FLT3: variants seen among roughly 807,000 people sequenced by gnomAD.
The protein encoded by FLT3 is fms related receptor tyrosine kinase 3.
Under a neutral mutation model 126.6 loss-of-function variants are expected in FLT3, and 46 were observed. The ratio of observed to expected loss-of-function variants is 0.36; its 90% CI spans 0.29 to 0.46. The LOEUF (loss-of-function observed/expected upper bound fraction) is 0.46, where lower values mean the gene tolerates loss of function less well. Ranked by LOEUF, FLT3 falls within the 20% of genes least tolerant of loss-of-function variation. The pLI, the probability that FLT3 is intolerant of heterozygous loss-of-function variation, is 1.00. For missense variants in FLT3, 1,069 were observed against 1,190.3 expected, an observed-to-expected ratio of 0.90 and a Z score of 1.50; for synonymous variants, 404 against 434.4, an observed-to-expected ratio of 0.93 and a Z score of 0.87.
chr13:28,081,844 C>CTTTTTTTTTTTTTTTTTTTTTTTTT (rs35243277), intron 1 of FLT3, among the ~76,000 whole-genome samples: 2 of 64,988 alleles, frequency 3.1e-5, no homozygotes, highest in African/African-American at 1.4e-4. Context: ...TACTTTGATT[C>CTTTTTTTTTTTTTTTTTTTTTTTTT]TTTTTTTTTT....
At chr13:28,087,664 A>T (rs550241309) in intron 1 of FLT3, among the ~76,000 whole-genome samples, 1 of 152,214 alleles carries the variant, frequency 6.6e-6, no homozygotes, top group East Asian at 1.9e-4. Context: ...TTACATGTAT[A>T]TCTGACGACC....
chr13:28,021,526 C>T (rs951970849), intron 19 of FLT3, among the ~76,000 whole-genome samples: 5 of 152,068 alleles, frequency 3.3e-5, no homozygotes, highest in African/African-American at 1.2e-4. Context: ...AAATGTGCCT[C>T]GCAGTTCAGA....
intron 1 of FLT3, among the ~76,000 whole-genome samples, chr13:28,077,029 AAGAGAG>A (rs34403610): frequency 1.6e-4 from 22 of 138,258 alleles, no homozygotes; most frequent in East Asian, 4.3e-4. Context: ...AAGGAAAAGA[AAGAGAG>A]AGAGAGAGAG....
At chr13:28,060,153 G>C (rs1004341647) in intron 3 of FLT3, among the ~76,000 whole-genome samples, 3 of 151,520 alleles carry the variant, frequency 2.0e-5, no homozygotes, top group African/African-American at 7.3e-5. Flanking sequence ...CCAGCACTTT[G>C]GGAGGCTGAG....
chr13:28,018,533 C>T lies in FLT3; in HGVS notation c.2475G>A (p.Val825=), dbSNP rs759226906. The T allele has an allele frequency of 1.9e-6, 3 of 1,614,084 alleles. No homozygotes were observed. Among genetic ancestry groups the T allele is most frequent in the African/African-American group, 1.3e-5 (1 of 74,948 alleles). ...RNVLVTHGKV[V]KICDFGLARD... ...GAGCCAATCCAAAGTCACATATCTT[C>T]ACCACTTTCCCGTGGGTGACAAGCA... Residue 825 remains valine (V), a synonymous_variant, in exon 20 of 24, where the codon GTG becomes GTA. Transcript: ENST00000241453.
intron 1 of FLT3, among the ~76,000 whole-genome samples, chr13:28,082,931 C>T (rs989665403): frequency 2.6e-5 from 4 of 152,104 alleles, no homozygotes; most frequent in South Asian, 2.1e-4. Context: ...TGGTCTTGAT[C>T]TCCTGACTTC....
At chr13:28,022,061 A>G (rs992909915) in intron 19 of FLT3, among the ~76,000 whole-genome samples, 8 of 151,972 alleles carry the variant, frequency 5.3e-5, no homozygotes, top group Non-Finnish European at 1.2e-4. Flanking sequence ...TTTTAGAGAA[A>G]GAGACTTGCT....
At chr13:28,084,930 G>A (rs1407992035) in intron 1 of FLT3, among the ~76,000 whole-genome samples, 4 of 146,434 alleles carry the variant, frequency 2.7e-5, no homozygotes, top group African/African-American at 1.0e-4. Flanking sequence ...AGCCGAGATC[G>A]CACCACTGCA....
At chr13:28,063,070 T>C (rs1179117458) in intron 2 of FLT3, among the ~76,000 whole-genome samples, 1 of 65,624 alleles carries the variant, frequency 1.5e-5, no homozygotes, top group Non-Finnish European at 3.9e-5. Flanking sequence ...AGATAAAAAT[T>C]TATAAAGCAA....
chr13:28,005,533 T>C (rs1450944477), intron 23 of FLT3, among the ~76,000 whole-genome samples: 1 of 151,908 alleles, frequency 6.6e-6, no homozygotes, highest in African/African-American at 2.4e-5. Context: ...GGCCACATAT[T>C]TTTTTTTCAC....
At chr13:28,046,000 T>C (rs1275217709) in intron 9 of FLT3, among the ~76,000 whole-genome samples, 1 of 151,568 alleles carries the variant, frequency 6.6e-6, no homozygotes, top group Non-Finnish European at 1.5e-5. Flanking sequence ...GGAGATATTT[T>C]TGGTCACACT....
At chr13:28,053,053 T>C (rs1875676779) in intron 4 of FLT3, among the ~76,000 whole-genome samples, 1 of 152,162 alleles carries the variant, frequency 6.6e-6, no homozygotes, top group South Asian at 2.1e-4. Flanking sequence ...CTTCCTATAA[T>C]TTGATCTGCA....
intron 9 of FLT3, among the ~76,000 whole-genome samples, chr13:28,041,151 G>A (rs547502768): frequency 8.5e-5 from 13 of 152,270 alleles, no homozygotes; most frequent in African/African-American, 3.1e-4. Context: ...TACAACCCTA[G>A]GGAGGAGAAG....
rs1035158281 is a variant in FLT3, at chr13:28,100,541, G to A, written c.-31C>T. ...CCGGAGCCCGGGGTCCCCAGGCCGC[G>A]CCGGCCCAGCCCTGCGATGCCGCCT... is the stretch of plus-strand genomic sequence containing the variant. On this transcript the variant is annotated 5_prime_UTR_variant, in exon 1 of 24. Coordinates refer to ENST00000241453, the MANE Select transcript of FLT3 (RefSeq NM_004119.3). This position sits in a 1 kb window ranked among gnomAD's most constrained non-coding sequence, Gnocchi z 4.8. 3 of 1,206,990 alleles carry A rather than the reference G, an allele frequency of 2.5e-6. No homozygotes were observed. In the South Asian group the frequency reaches 1.2e-4, roughly 50 times the overall value. The allele number at this position is 1,206,990 out of a possible 1,614,324, so 74.8% of individuals were successfully genotyped here.
intron 9 of FLT3, among the ~76,000 whole-genome samples, chr13:28,039,296 G>C (rs1429232214): frequency 6.6e-6 from 1 of 151,928 alleles, no homozygotes; most frequent in Non-Finnish European, 1.5e-5. Flanking sequence ...CTGCCTCCCA[G>C]GTTCAAGCGA....
intron 3 of FLT3, among the ~76,000 whole-genome samples, chr13:28,059,369 T>G (rs776024038): frequency 3.9e-5 from 6 of 152,070 alleles, no homozygotes; most frequent in African/African-American, 7.2e-5. Flanking sequence ...AAGAGGGCAT[T>G]TAATTGACCT....
chr13:28,045,349 T>A (rs1212534024), intron 9 of FLT3, among the ~76,000 whole-genome samples: 1 of 152,204 alleles, frequency 6.6e-6, no homozygotes, highest in South Asian at 2.1e-4. Flanking sequence ...CAAGAGGATA[T>A]TAAAGTAATA....
intron 23 of FLT3, among the ~76,000 whole-genome samples, chr13:28,011,001 T>TA (rs1160636438): frequency 6.7e-6 from 1 of 148,182 alleles, no homozygotes; most frequent in Non-Finnish European, 1.5e-5. Context: ...AGACTCTGTC[T>TA]AAAAAAAATA....
chr13:28,067,436 T>C (rs1877136683), intron 2 of FLT3, among the ~76,000 whole-genome samples: 1 of 151,750 alleles, frequency 6.6e-6, no homozygotes, highest in Non-Finnish European at 1.5e-5. Flanking sequence ...ACAGAGGCAG[T>C]GGGCTCCACC....
Sources: allele counts gnomAD v4.1 joint callset (sites outside exome capture counted in the v4.1 genomes callset), GRCh38; gene constraint gnomAD v4.1.1; non-coding constraint Gnocchi (gnomAD v3.1); transcripts MANE v1.5; gene names NCBI Gene and HGNC (gene_info 2026-07-23, HGNC 2026-07-21).